DAB1: variants seen among roughly 807,000 people sequenced by gnomAD.
DAB1 encodes the protein disabled homolog 1.
In DAB1, 15 loss-of-function variants were observed where a neutral mutation model predicts 64.6. The observed-to-expected ratio is 0.23, with a 90% CI of 0.16 to 0.36. DAB1 has a LOEUF of 0.36. Among genes scored for constraint, DAB1 ranks in the 10% least tolerant of loss-of-function variants. The pLI is 1.00. For synonymous variants in DAB1, 235 were observed against 251.9 expected, an observed-to-expected ratio of 0.93 and a Z score of 0.64; for missense variants, 596 against 706.7, an observed-to-expected ratio of 0.84 and a Z score of 1.78.
intron 4 of DAB1, among the ~76,000 whole-genome samples, chr1:58,294,172 A>G (rs569589337): frequency 7.9e-5 from 12 of 152,158 alleles, no homozygotes; most frequent in Non-Finnish European, 1.6e-4. Flanking sequence ...GATAAATAAT[A>G]TCACTTTTCA....
chr1:58,340,092 G>A (rs956606989), intron 4 of DAB1, among the ~76,000 whole-genome samples: 15 of 152,170 alleles, frequency 9.9e-5, no homozygotes, highest in African/African-American at 2.9e-4. Context: ...TAAGGAGAGA[G>A]CTAATCGGCA....
intron 6 of DAB1, among the ~76,000 whole-genome samples, chr1:57,818,028 C>T (rs1376482457): frequency 6.6e-6 from 1 of 152,122 alleles, no homozygotes; most frequent in Non-Finnish European, 1.5e-5. Flanking sequence ...TACTCACCTC[C>T]TGAACTCCCT....
chr1:57,293,242 C>T (rs577764694), intron 1 of DAB1, among the ~76,000 whole-genome samples: 12 of 152,222 alleles, frequency 7.9e-5, no homozygotes, highest in Admixed American at 2.0e-4. Context: ...CTATTGAATC[C>T]TCAAGGTTCA....
intron 1 of DAB1, among the ~76,000 whole-genome samples, chr1:57,348,875 G>A (rs573193777): frequency 7.9e-5 from 12 of 152,232 alleles, no homozygotes; most frequent in African/African-American, 2.9e-4. Context: ...CAAGAAAGAA[G>A]CCATATGTGC....
At chr1:58,112,048 G>A (rs1232484173) in intron 5 of DAB1, among the ~76,000 whole-genome samples, 1 of 152,100 alleles carries the variant, frequency 6.6e-6, no homozygotes, top group African/African-American at 2.4e-5. Context: ...TCCCCCAGTG[G>A]CAATGCCTTG....
At chr1:57,414,707 A>C (rs576283741) in intron 1 of DAB1, among the ~76,000 whole-genome samples, 1 of 152,344 alleles carries the variant, frequency 6.6e-6, no homozygotes, top group East Asian at 1.9e-4. Context: ...GTAGCATATG[A>C]TGAAAATTAA....
chr1:58,061,096 G>A (rs1379954015), intron 5 of DAB1, among the ~76,000 whole-genome samples: 4 of 152,154 alleles, frequency 2.6e-5, no homozygotes, highest in Non-Finnish European at 5.9e-5. Flanking sequence ...CGTGGGCTCA[G>A]GAACGTCCTC....
rs941645599 is a variant in DAB1 at position 58,453,012 on chromosome 1, C to T, written n.257+53048G>A. On this transcript the variant is annotated intron_variant and non_coding_transcript_variant, in intron 3 of 20. Transcript: ENST00000485760. The stretch of plus-strand genomic sequence containing the variant: ...TAATTACCAAACACTGGAAACAATG[C>T]GGCGTGGATAAACACATTGCAGTTT... 3.3e-5 allele frequency among the ~76,000 whole-genome samples: 5 copies of T among 152,104 alleles called. No homozygotes were observed. The South Asian group carries it at 6.2e-4, about 19-fold the overall frequency.
At chr1:57,627,310 G>A (rs1332598081) in intron 7 of DAB1, among the ~76,000 whole-genome samples, 1 of 152,114 alleles carries the variant, frequency 6.6e-6, no homozygotes, top group African/African-American at 2.4e-5. Context: ...GGCAGATCGT[G>A]GGACTTCTCA....
At chr1:57,849,375 T>C (rs1252590138) in intron 1 of DAB1, among the ~76,000 whole-genome samples, 2 of 152,142 alleles carry the variant, frequency 1.3e-5, no homozygotes, top group Non-Finnish European at 1.5e-5. Flanking sequence ...AGTAACTCCA[T>C]ATCAAGACCC....
At chr1:57,285,799 C>T (rs1672269466) in intron 2 of DAB1, among the ~76,000 whole-genome samples, 1 of 152,184 alleles carries the variant, frequency 6.6e-6, no homozygotes, top group African/African-American at 2.4e-5. Flanking sequence ...TGGAAGACTC[C>T]AGGCACTGCC....
chr1:57,378,895 A>T (rs900269494), intron 1 of DAB1, among the ~76,000 whole-genome samples: 1 of 152,064 alleles, frequency 6.6e-6, no homozygotes, highest in Non-Finnish European at 1.5e-5. Flanking sequence ...AACTGTTGCT[A>T]CTCCAAACAT....
chr1:57,695,299 G>GGAAAGAAAGAAAGAAAGAAAGAAA (rs763060862), intron 6 of DAB1, among the ~76,000 whole-genome samples: 27 of 37,236 alleles, frequency 7.3e-4, no homozygotes, highest in Non-Finnish European at 1.1e-3. Context: ...GGAGAGAGAA[G>GGAAAGAAAGAAAGAAAGAAAGAAA]GAAAGAAAGA....
At chr1:57,025,841 C>T in intron 10 of DAB1, 140 bp downstream of exon 10, 1 of 667,700 alleles carries the variant, frequency 1.5e-6, no homozygotes, top group Non-Finnish European at 2.5e-6. Flanking sequence ...GTTAGTTTGT[C>T]CAAGTCACAC....
intron 2 of DAB1, among the ~76,000 whole-genome samples, chr1:57,256,518 T>C (rs197643): frequency 0.58 from 88,796 of 151,876 alleles, 26,120 homozygotes; most frequent in Admixed American, 0.67. Flanking sequence ...TGTGCCACAG[T>C]CAGCACCACG....
chr1:57,724,717 C>T (rs72914409), intron 6 of DAB1, among the ~76,000 whole-genome samples: 4 of 152,258 alleles, frequency 2.6e-5, no homozygotes, highest in African/African-American at 9.6e-5. Context: ...ATGAGCAGAC[C>T]TCTCTGAGAA....
intron 7 of DAB1, among the ~76,000 whole-genome samples, chr1:57,589,426 TA>T (rs1645418019): frequency 6.6e-6 from 1 of 152,060 alleles, no homozygotes; most frequent in African/African-American, 2.4e-5. Flanking sequence ...ATTTGATATA[TA>T]AAGAGCTTCT....
At position 57,229,800 on chromosome 1, in the gene DAB1, G is replaced by A. The variant is rs528713171; in HGVS notation, c.67+61164C>T. ...AAACACATTGTTACTTTCATTGTTG[G>A]AAGAGTTGAATTTGCCTGTTTCCCA... is the stretch of plus-strand genomic sequence containing the variant. On this transcript the variant is annotated intron_variant, in intron 2 of 14. Coordinates refer to ENST00000371236, the MANE Select transcript of DAB1 (RefSeq NM_001365792.1). Among the ~76,000 whole-genome samples the A allele has an allele frequency of 4.6e-5, 7 of 152,250 alleles. No homozygotes were observed. In the South Asian group the frequency reaches 1.5e-3, roughly 32 times the overall value.
intron 7 of DAB1, among the ~76,000 whole-genome samples, chr1:57,610,628 G>T (rs553734388): frequency 1.3e-5 from 2 of 152,302 alleles, no homozygotes; most frequent in South Asian, 4.2e-4. Flanking sequence ...GGCTGGGAAG[G>T]CCTCAGGAAA....
Sources: allele counts gnomAD v4.1 joint callset (sites outside exome capture counted in the v4.1 genomes callset), GRCh38; gene constraint gnomAD v4.1.1; transcripts MANE v1.5; gene names NCBI Gene and HGNC (gene_info 2026-07-23, HGNC 2026-07-21).